Variants in EFCAB13 observed in about 807,000 individuals in gnomAD.
EFCAB13 encodes the protein EF-hand calcium-binding domain-containing protein 13.
In EFCAB13, 91 loss-of-function variants were observed where a neutral mutation model predicts 110.2. That is an observed-to-expected ratio of 0.83 (90% CI 0.70 to 0.98). The LOEUF (loss-of-function observed/expected upper bound fraction) is 0.98, where lower values mean the gene tolerates loss of function less well. EFCAB13 is among the 50% of genes least tolerant of loss of function. The probability of loss-of-function intolerance (pLI) is 0.00; values close to 1 mark genes in which losing one functional copy is unlikely to be tolerated. For synonymous variants in EFCAB13, 323 were observed against 369.9 expected (o/e 0.87, Z 1.45); for missense variants, 968 against 1,119.4 (o/e 0.86, Z 1.93).
At chr17:47,331,440 T>C (rs1364735338) in intron 4 of EFCAB13, among the ~76,000 whole-genome samples, 1 of 151,972 alleles carries the variant, frequency 6.6e-6, no homozygotes, top group Non-Finnish European at 1.5e-5. Flanking sequence ...AGAGCAGTTT[T>C]AGGTTCATAA....
intron 16 of EFCAB13, 47 bp downstream of exon 16, chr17:47,394,146 T>G: frequency 7.9e-7 from 1 of 1,273,698 alleles, no homozygotes; most frequent in Non-Finnish European, 1.1e-6. Context: ...CCAAATAGTT[T>G]GACAGATTTT....
chr17:47,418,070 G>T (rs1904512810), intron 23 of EFCAB13, among the ~76,000 whole-genome samples: 1 of 152,168 alleles, frequency 6.6e-6, no homozygotes, highest in Non-Finnish European at 1.5e-5. Flanking sequence ...TTGCTTCAGG[G>T]ACAAAGCATT....
chr17:47,351,901 T>TG (rs1372583953), intron 9 of EFCAB13, among the ~76,000 whole-genome samples: 2 of 134,992 alleles, frequency 1.5e-5, no homozygotes, highest in East Asian at 2.9e-4. Context: ...TTCATGTAGT[T>TG]TTTTTTTTTT....
At chr17:47,355,189 G>C (rs958064627) in intron 9 of EFCAB13, among the ~76,000 whole-genome samples, 13 of 152,156 alleles carry the variant, frequency 8.5e-5, no homozygotes, top group African/African-American at 3.1e-4. Context: ...TTTGTTTAAG[G>C]AGGCTAAAGA....
chr17:47,402,958 G>C (rs2065786552), intron 18 of EFCAB13, among the ~76,000 whole-genome samples: 1 of 152,196 alleles, frequency 6.6e-6, no homozygotes, highest in South Asian at 2.1e-4. Context: ...AGCATGGGAG[G>C]ATGAGCAGAC....
intron 17 of EFCAB13, among the ~76,000 whole-genome samples, chr17:47,401,116 A>AT (rs112829209): frequency 0.088 from 13,372 of 152,256 alleles, 836 homozygotes; most frequent in East Asian, 0.35. Context: ...AAATACTGCA[A>AT]AAAGACATGC....
At chr17:47,329,407 C>T (rs952773560) in intron 4 of EFCAB13, among the ~76,000 whole-genome samples, 2 of 152,066 alleles carry the variant, frequency 1.3e-5, no homozygotes, top group South Asian at 2.1e-4. Context: ...AAAGATCTGA[C>T]GCTACTGTGT....
chr17:47,401,671 G>A (rs981552657), intron 17 of EFCAB13, among the ~76,000 whole-genome samples: 1 of 128,880 alleles, frequency 7.8e-6, no homozygotes, highest in African/African-American at 3.0e-5. Flanking sequence ...TTGAGATGGC[G>A]TCTCGCTTTG....
intron 20 of EFCAB13, among the ~76,000 whole-genome samples, chr17:47,408,254 A>G (rs1323630707): frequency 1.3e-5 from 2 of 152,190 alleles, no homozygotes; most frequent in African/African-American, 2.4e-5. Context: ...TTTACAAAGA[A>G]TTTACCTGAT....
chr17:47,403,159 A>G (rs2065787694), intron 18 of EFCAB13, among the ~76,000 whole-genome samples: 1 of 152,212 alleles, frequency 6.6e-6, no homozygotes, highest in Non-Finnish European at 1.5e-5. Flanking sequence ...TACTATTTGC[A>G]GCTAGTTTCT....
At chr17:47,352,547 T>C (rs2065459280) in intron 9 of EFCAB13, among the ~76,000 whole-genome samples, 1 of 152,190 alleles carries the variant, frequency 6.6e-6, no homozygotes, top group Non-Finnish European at 1.5e-5. Flanking sequence ...TTCTTTTGTT[T>C]AGGATTACAT....
Position 47,344,903 on chromosome 17 carries a change from T to C in EFCAB13, c.435-113T>C, listed in dbSNP as rs989367076. ...ATGGAATTTTCCATAACTTGGACAGTTCTTCAAGAAAGGTTCTTATGAATC... is the reference window on the plus strand; with the variant it reads ...ATGGAATTTTCCATAACTTGGACAGCTCTTCAAGAAAGGTTCTTATGAATC... On this transcript the variant is annotated intron_variant, in intron 7 of 24. Coordinates refer to ENST00000331493, the MANE Select transcript of EFCAB13 (RefSeq NM_152347.5). The C allele has an allele frequency of 7.7e-6, 6 of 774,422 alleles. No homozygotes were observed. In the Admixed American group the frequency reaches 1.2e-4, roughly 15 times the overall value. The allele number at this position is 774,422 out of a possible 1,614,324, so 48.0% of individuals were successfully genotyped here.
chr17:47,397,203 G>A (rs1228728701), intron 17 of EFCAB13, among the ~76,000 whole-genome samples: 5 of 145,986 alleles, frequency 3.4e-5, no homozygotes, highest in African/African-American at 9.7e-5. Context: ...TGGTGGAGAC[G>A]GGGTTTCGCT....
chr17:47,395,559 A>T (rs1237689065), intron 16 of EFCAB13, among the ~76,000 whole-genome samples: 1 of 152,160 alleles, frequency 6.6e-6, no homozygotes, highest in Non-Finnish European at 1.5e-5. Flanking sequence ...CACTTTTAAA[A>T]ATCTAACTTC....
intron 14 of EFCAB13, among the ~76,000 whole-genome samples, chr17:47,386,651 T>C (rs974124040): frequency 5.9e-5 from 9 of 152,060 alleles, no homozygotes; most frequent in Non-Finnish European, 1.2e-4. Flanking sequence ...CAGCTCTGTC[T>C]CGCTGGGATT....
chr17:47,398,228 G>C (rs1182950623), intron 17 of EFCAB13, among the ~76,000 whole-genome samples: 1 of 147,200 alleles, frequency 6.8e-6, no homozygotes, highest in East Asian at 2.4e-4. Context: ...GCCCCGTCCG[G>C]GAGGGAGGTG....
At chr17:47,329,120 T>C (rs552414537) in intron 4 of EFCAB13, 2 of 152,308 alleles carry the variant, frequency 1.3e-5, no homozygotes, top group South Asian at 4.1e-4. Context: ...GTCTATTATA[T>C]TCTGATTATC....
At chr17:47,437,055 G>C (rs1396615670) in intron 24 of EFCAB13, among the ~76,000 whole-genome samples, 2 of 151,978 alleles carry the variant, frequency 1.3e-5, no homozygotes, top group African/African-American at 4.8e-5. Flanking sequence ...AAATTTTCTT[G>C]TATTTGCATG....
chr17:47,424,052 C>T (rs868432039), intron 23 of EFCAB13, among the ~76,000 whole-genome samples: 1 of 152,092 alleles, frequency 6.6e-6, no homozygotes. Flanking sequence ...CCGGGAGGTG[C>T]GCGCTCGGGG....
Sources: allele counts gnomAD v4.1 joint callset (sites outside exome capture counted in the v4.1 genomes callset), GRCh38; gene constraint gnomAD v4.1.1; transcripts MANE v1.5; gene names NCBI Gene and HGNC (gene_info 2026-07-23, HGNC 2026-07-21).